SATB2: variants seen among roughly 807,000 people sequenced by gnomAD.
The protein encoded by SATB2 is SATB homeobox 2, also known as DNA-binding protein SATB2.
In SATB2, 1 loss-of-function variant was observed where a neutral mutation model predicts 73.4. The observed-to-expected ratio is 0.01, with a 90% confidence interval of 0.00 to 0.06. SATB2 has a LOEUF of 0.06. Among genes scored for constraint, SATB2 ranks in the 10% least tolerant of loss-of-function variants. The pLI, the probability that SATB2 is intolerant of heterozygous loss-of-function variation, is 1.00. For synonymous variants in SATB2, 397 were observed against 367.0 expected (o/e 1.08, Z -0.93); for missense variants, 459 against 945.8 (o/e 0.49, Z 6.75).
intron 6 of SATB2, among the ~76,000 whole-genome samples, chr2:199,358,222 C>A (rs1287361269): frequency 6.6e-6 from 1 of 152,050 alleles, no homozygotes; most frequent in Non-Finnish European, 1.5e-5. Context: ...ACTGAATATG[C>A]CTAGTCACTG....
At chr2:199,468,550 G>A (rs190870677), upstream of SATB2, among the ~76,000 whole-genome samples, 5 of 152,324 alleles carry the variant, frequency 3.3e-5, no homozygotes, top group Non-Finnish European at 7.3e-5. Flanking sequence ...GGGGAGTGAG[G>A]GAGAGAGAGC....
At chr2:199,393,095 G>A (rs980302064) in intron 3 of SATB2, among the ~76,000 whole-genome samples, 13 of 152,088 alleles carry the variant, frequency 8.5e-5, no homozygotes, top group African/African-American at 1.4e-4. Context: ...AGGAGTGTCC[G>A]CAATCAGAGA....
chr2:199,439,786 A>G (rs1158703893), intron 2 of SATB2, among the ~76,000 whole-genome samples: 1 of 151,952 alleles, frequency 6.6e-6, no homozygotes, highest in Non-Finnish European at 1.5e-5. Flanking sequence ...GCCAACATTA[A>G]CCACTAGCCC....
intron 3 of SATB2, among the ~76,000 whole-genome samples, chr2:199,416,678 C>T (rs1312418833): frequency 6.6e-6 from 1 of 152,158 alleles, no homozygotes. Context: ...TTGAATTCCC[C>T]TCCATGTCAT....
chr2:199,410,319 AGCTAAATTCTGTGT>A (rs1157145863), intron 3 of SATB2, among the ~76,000 whole-genome samples: 1 of 152,196 alleles, frequency 6.6e-6, no homozygotes, highest in East Asian at 1.9e-4. Flanking sequence ...GGATGAACCC[AGCTAAATTCTGTGT>A]GCTAAATTCT....
At chr2:199,458,739 G>A (rs764924026), upstream of SATB2, 5 of 425,160 alleles carry the variant, frequency 1.2e-5, no homozygotes, top group South Asian at 3.2e-5. Context: ...AGATAGGAGG[G>A]CGATCGCCTC....
At chr2:199,397,684 T>A (rs1294782077) in intron 3 of SATB2, 1 of 283,798 alleles carries the variant, frequency 3.5e-6, no homozygotes, top group Non-Finnish European at 7.2e-6. Context: ...AGGTCAGGAG[T>A]TCCAGACCAG....
intron 10 of SATB2, among the ~76,000 whole-genome samples, chr2:199,292,283 G>C (rs971668848): frequency 6.6e-6 from 1 of 152,190 alleles, no homozygotes; most frequent in Non-Finnish European, 1.5e-5. Context: ...GCTATTGATG[G>C]CTTTCATATC....
intron 7 of SATB2, among the ~76,000 whole-genome samples, chr2:199,336,134 T>C (rs1330901358): frequency 6.6e-6 from 1 of 152,142 alleles, no homozygotes; most frequent in Non-Finnish European, 1.5e-5. Flanking sequence ...CCTTCCTCCT[T>C]GGTGTCTCTA....
At chr2:199,400,984 C>G (rs1690453193) in intron 3 of SATB2, among the ~76,000 whole-genome samples, 1 of 152,110 alleles carries the variant, frequency 6.6e-6, no homozygotes, top group South Asian at 2.1e-4. Flanking sequence ...GGGATGTAGG[C>G]CTGACTCAAC....
chr2:199,440,759 CAG>C (rs1221434769), intron 2 of SATB2, among the ~76,000 whole-genome samples: 1 of 151,958 alleles, frequency 6.6e-6, no homozygotes, highest in African/African-American at 2.4e-5. Flanking sequence ...GAAGCCAAGA[CAG>C]AGGTGGGACA....
At chr2:199,387,677 A>T (rs1690003422) in intron 3 of SATB2, among the ~76,000 whole-genome samples, 1 of 152,234 alleles carries the variant, frequency 6.6e-6, no homozygotes, top group Non-Finnish European at 1.5e-5. Context: ...TGAATTGAGC[A>T]CAGTATGAAT....
chr2:199,425,526 A>G (rs1333692533), intron 3 of SATB2, among the ~76,000 whole-genome samples: 1 of 152,200 alleles, frequency 6.6e-6, no homozygotes, highest in African/African-American at 2.4e-5. Flanking sequence ...GGTCAGAGGT[A>G]AAGTGAGATC....
At chr2:199,327,318 G>A (rs1042588249) in intron 8 of SATB2, among the ~76,000 whole-genome samples, 2 of 152,158 alleles carry the variant, frequency 1.3e-5, no homozygotes, top group Non-Finnish European at 2.9e-5. Context: ...GCATGTGCCT[G>A]TAATCCCAGC....
At chr2:199,337,893 C>T (rs1688382988) in intron 7 of SATB2, among the ~76,000 whole-genome samples, 1 of 152,038 alleles carries the variant, frequency 6.6e-6, no homozygotes, top group African/African-American at 2.4e-5. Context: ...AAGGAAAACG[C>T]CTTGTATATA....
intron 8 of SATB2, among the ~76,000 whole-genome samples, chr2:199,327,992 C>T (rs988227390): frequency 6.6e-6 from 1 of 152,106 alleles, no homozygotes; most frequent in Non-Finnish European, 1.5e-5. Context: ...TCCAGCCCAA[C>T]CAAATAAACA....
chr2:199,283,084 CTTT>C (rs1159061582), intron 10 of SATB2, among the ~76,000 whole-genome samples: 2 of 140,536 alleles, frequency 1.4e-5, no homozygotes, highest in Admixed American at 7.2e-5. Context: ...TAAACATAAA[CTTT>C]TTTTTTTTTT....
At position 199,463,068 on chromosome 2, in the gene SATB2, G is replaced by C. The variant is rs1692515639; in HGVS notation, c.-141+1768C>G. On this transcript the variant is annotated intron_variant, in intron 1 of 11. Coordinates refer to the SATB2 transcript ENST00000260926. The surrounding 1 kb of genome is among the most constrained non-coding windows in gnomAD (Gnocchi z 6.4). ...AGAGCTGGGGGAGTCGTTGGTGGGAGATCTGGTGTCCCTTCGGCGGCCGCG... is the reference window on the plus strand; with the variant it reads ...AGAGCTGGGGGAGTCGTTGGTGGGACATCTGGTGTCCCTTCGGCGGCCGCG... Among the ~76,000 whole-genome samples the C allele has an allele frequency of 6.6e-6, 1 of 152,148 alleles. No individual in the cohort carries two copies. Among genetic ancestry groups the C allele is most frequent in the African/African-American group, 2.4e-5 (1 of 41,436 alleles).
At chr2:199,425,109 A>G (rs1344941766) in intron 3 of SATB2, among the ~76,000 whole-genome samples, 1 of 152,236 alleles carries the variant, frequency 6.6e-6, no homozygotes, top group Admixed American at 6.5e-5. Flanking sequence ...TAAACATGAT[A>G]TATATCATAT....
Sources: gnomAD v4.1 joint callset for allele counts (sites outside exome capture counted in the v4.1 genomes callset) on GRCh38, gnomAD v4.1.1 for gene constraint, Gnocchi (gnomAD v3.1) non-coding constraint, MANE v1.5 for transcripts, NCBI Gene and HGNC (gene_info 2026-07-23, HGNC 2026-07-21) for gene names.